The following KDM4A variants were observed in gnomAD, a reference collection of about 807,000 sequenced individuals.
KDM4A encodes lysine demethylase 4A.
KDM4A carries 23 observed loss-of-function variants against 127.1 expected under a neutral mutation model. The ratio of observed to expected loss-of-function variants is 0.18; its 90% CI spans 0.13 to 0.26. KDM4A has a LOEUF of 0.26. Ranked by LOEUF, KDM4A falls within the 10% of genes least tolerant of loss-of-function variation. The probability of loss-of-function intolerance (pLI) is 1.00; values close to 1 mark genes in which losing one functional copy is unlikely to be tolerated. For synonymous variants in KDM4A, 443 were observed against 466.5 expected (o/e 0.95, Z 0.65); for missense variants, 890 against 1,329.1 (o/e 0.67, Z 5.14).
rs559516003 is a variant in KDM4A at position 43,668,218 on chromosome 1, C to T, written c.1163+199C>T. 1.2e-4 allele frequency among the ~76,000 whole-genome samples: 18 copies of T among 152,200 alleles called. No homozygotes were observed. The South Asian group carries it at 1.2e-3, about 11-fold the overall frequency. Reference sequence around the variant, plus strand: ...TCGGCTCACTGCAAGCCCCGCCTCCCGGGTTCAGGCCATTCTTCTGCCTCA... The same window carrying T: ...TCGGCTCACTGCAAGCCCCGCCTCCTGGGTTCAGGCCATTCTTCTGCCTCA... On this transcript the variant is annotated intron_variant, in intron 9 of 21. Transcript: ENST00000372396.
Position 43,688,778 on chromosome 1 carries a change from A to T in KDM4A, c.1856-136A>T. The T allele has an allele frequency of 1.4e-6, 1 of 713,786 alleles. No individual in the cohort carries two copies. The highest frequency in any genetic ancestry group is 2.3e-6 in the Non-Finnish European group (1 of 435,650). The allele number at this position is 713,786 out of a possible 1,614,324, so 44.2% of individuals were successfully genotyped here. The stretch of plus-strand genomic sequence containing the variant: ...ACAGTTGCTTCCACCCTTTGCCTTT[A>T]TCATCCTTAGGAATTCAGGAGTCAC... On this transcript the variant is annotated intron_variant, in intron 12 of 21. Coordinates refer to ENST00000372396, the MANE Select transcript of KDM4A (RefSeq NM_014663.3). This position sits in a 1 kb window ranked among gnomAD's most constrained non-coding sequence, Gnocchi z 4.4.
Position 43,691,506 on chromosome 1 carries a change from G to A in KDM4A, c.2253G>A (p.Gly751=), listed in dbSNP as rs200157658. 5 of 1,613,634 alleles carry A rather than the reference G, an allele frequency of 3.1e-6. No homozygotes were observed. In the Admixed American group the frequency reaches 8.3e-5, roughly 27 times the overall value. Residue 751 remains glycine, a synonymous_variant, in exon 15 of 22, where the codon GGG becomes GGA. Transcript: ENST00000372396. The part of the protein sequence containing the change: ...CSVRVHASCY[G]VPPAKASEDW... Reference sequence around the variant, plus strand: ...TGGTGTCCCTGTTAGGTTGCTATGGGGTCCCCCCTGCAAAGGCTTCTGAAG... The same window carrying A: ...TGGTGTCCCTGTTAGGTTGCTATGGAGTCCCCCCTGCAAAGGCTTCTGAAG...
In KDM4A at chr1:43,682,974, C is replaced by T. The variant is rs115201516; in HGVS notation, c.1735-710C>T. 2.9e-3 allele frequency among the ~76,000 whole-genome samples: 437 copies of T among 152,342 alleles called. 2 individuals are homozygous for T. The highest frequency in any genetic ancestry group is 9.7e-3 in the African/African-American group (403 of 41,572). ...AGAAAGAAACCCTTCTGTAGTGTTT[C>T]TGAGTCAATCCTGTACATTTAAATC... On this transcript the variant is annotated intron_variant, in intron 11 of 21. Coordinates refer to ENST00000372396, the MANE Select transcript of KDM4A (RefSeq NM_014663.3).
At chr1:43,672,277 CT>C (rs1660637961) in intron 11 of KDM4A, among the ~76,000 whole-genome samples, 1 of 152,142 alleles carries the variant, frequency 6.6e-6, no homozygotes, top group Admixed American at 6.5e-5. Flanking sequence ...CAACCTCTGC[CT>C]TCCAGGTTCA....
intron 1 of KDM4A, chr1:43,650,685 G>C (rs1383305859): frequency 6.6e-6 from 1 of 152,288 alleles, no homozygotes; most frequent in African/African-American, 2.4e-5. Flanking sequence ...GTAAGTACCG[G>C]GCCTAGTGCT....
chr1:43,691,618 C>T (rs1455502997), intron 15 of KDM4A, 46 bp downstream of exon 15: 1 of 1,495,156 alleles, frequency 6.7e-7, no homozygotes, highest in Non-Finnish European at 9.3e-7. Context: ...AGTCTTGGTG[C>T]ATATTCAGGG....
chr1:43,703,033 C>T (rs550692664), intron 19 of KDM4A, among the ~76,000 whole-genome samples: 4 of 151,566 alleles, frequency 2.6e-5, no homozygotes, highest in Non-Finnish European at 5.9e-5. Context: ...AGCTCCGCCT[C>T]CTGGGTTCAC....
rs78432529 is a variant in KDM4A at position 43,653,415 on chromosome 1, T to C, written c.138+102T>C. 736 of 1,212,806 alleles carry C rather than the reference T, an allele frequency of 6.1e-4. 6 individuals carry two copies. In the African/African-American group the frequency reaches 0.01, roughly 17 times the overall value. 75.1% of individuals were successfully genotyped at this position (1,212,806 alleles called of 1,614,324 possible). A position where few individuals can be genotyped will look rare whatever the true frequency, so the allele number is the denominator to read the frequency against. On this transcript the variant is annotated intron_variant, in intron 2 of 21. Coordinates refer to ENST00000372396, the MANE Select transcript of KDM4A (RefSeq NM_014663.3). Reference sequence around the variant, plus strand: ...GAACTGTGTTTTACTGAAAGTTGGGTGGGGTGATGACTTTAGTGAATGCGG... The same window carrying C: ...GAACTGTGTTTTACTGAAAGTTGGGCGGGGTGATGACTTTAGTGAATGCGG...
intron 2 of KDM4A, among the ~76,000 whole-genome samples, chr1:43,654,774 A>G (rs548756257): frequency 2.0e-5 from 3 of 146,796 alleles, no homozygotes; most frequent in Non-Finnish European, 3.0e-5. Flanking sequence ...GTAAAACAAT[A>G]CTCTCTAATT....
chr1:43,679,171 C>T (rs1660803898), intron 11 of KDM4A, among the ~76,000 whole-genome samples: 1 of 152,150 alleles, frequency 6.6e-6, no homozygotes, highest in Non-Finnish European at 1.5e-5. Flanking sequence ...CTTTGAAGCC[C>T]TAGAGTACTA....
chr1:43,670,762 T>G (rs1320441427), intron 10 of KDM4A, among the ~76,000 whole-genome samples: 14 of 151,890 alleles, frequency 9.2e-5, no homozygotes, highest in Admixed American at 9.2e-4. Flanking sequence ...GGGGTTTCAC[T>G]CTGTTAGCCA....
At chr1:43,680,665 A>T (rs920575223) in intron 11 of KDM4A, among the ~76,000 whole-genome samples, 1 of 152,152 alleles carries the variant, frequency 6.6e-6, no homozygotes, top group African/African-American at 2.4e-5. Context: ...GGCTGCCCAC[A>T]TTCCTTGGCT....
At chr1:43,686,394 T>A (rs1230413535) in intron 12 of KDM4A, among the ~76,000 whole-genome samples, 1 of 149,842 alleles carries the variant, frequency 6.7e-6, no homozygotes, top group Non-Finnish European at 1.5e-5. Flanking sequence ...TGGAGTGCAG[T>A]GGCATGATCT....
chr1:43,665,414 G>A (rs1042986161), intron 5 of KDM4A, among the ~76,000 whole-genome samples: 1 of 151,918 alleles, frequency 6.6e-6, no homozygotes, highest in Non-Finnish European at 1.5e-5. Context: ...CATTATAAAG[G>A]AGAGTAATAT....
rs543592239 is a variant in KDM4A at position 43,666,253 on chromosome 1, G to A, written c.674-199G>A. ...TCCCAAACAGGATTTCATTACCCAC[G>A]TAATGCCCTACATGGGAGTGAGCCT... On this transcript the variant is annotated intron_variant, in intron 6 of 21. Coordinates refer to ENST00000372396, the MANE Select transcript of KDM4A (RefSeq NM_014663.3). 26 of 539,984 alleles carry A rather than the reference G, an allele frequency of 4.8e-5. No individual in the cohort carries two copies. In the East Asian group the frequency reaches 7.1e-4, roughly 15 times the overall value. 33.4% of individuals were successfully genotyped at this position (539,984 alleles called of 1,614,324 possible).
Position 43,688,959 on chromosome 1 carries a change from A to C in KDM4A, c.1901A>C (p.Glu634Ala). ...LTPEEEAEET[E>A]AWAKPLSQLW... ...CCTGAGGAAGAGGCTGAGGAGACAG[A>C]GGCCTGGGCCAAGCCTCTGAGCCAA... Residue 634 changes from glutamate (E) to alanine (A), a missense_variant, in exon 13 of 22, where the codon GAG (glutamate) becomes GCG (alanine). Glu to Ala is a moderately radical substitution (Grantham distance 107, BLOSUM62 -1). Around this residue, in one of 7 missense-constraint regions of KDM4A, gnomAD observed 389 missense variants for 485.9 expected, o/e 0.80. Coordinates refer to ENST00000372396, the MANE Select transcript of KDM4A (RefSeq NM_014663.3). The surrounding 1 kb of genome is among the most constrained non-coding windows in gnomAD (Gnocchi z 4.4). The C allele has an allele frequency of 6.2e-7, 1 of 1,614,226 alleles. No homozygotes were observed. The highest frequency in any genetic ancestry group is 8.5e-7 in the Non-Finnish European group (1 of 1,180,030).
rs898356313 is a variant in KDM4A at position 43,690,743 on chromosome 1, G to A, written c.2038-102G>A. 62 of 1,081,856 alleles carry A rather than the reference G, an allele frequency of 5.7e-5. No individual in the cohort carries two copies. In the Admixed American group the frequency reaches 1.0e-3, roughly 18 times the overall value. 67.0% of individuals were successfully genotyped at this position (1,081,856 alleles called of 1,614,324 possible). A position where few individuals can be genotyped will look rare whatever the true frequency, so the allele number is the denominator to read the frequency against. ...TGTGCACCCGGGAGCTGTAGCCATA[G>A]TCAGATCGGTAAGAGAGCCAGCTTT... On this transcript the variant is annotated intron_variant, in intron 13 of 21. Transcript: ENST00000372396.
At chr1:43,654,148 C>T (rs1043354311) in intron 2 of KDM4A, among the ~76,000 whole-genome samples, 14 of 152,274 alleles carry the variant, frequency 9.2e-5, no homozygotes, top group East Asian at 7.7e-4. Flanking sequence ...TAACAGCAGG[C>T]GGGAATAGCA....
chr1:43,690,459 G>A (rs991334096), intron 13 of KDM4A: 42 of 307,272 alleles, frequency 1.4e-4, no homozygotes, highest in Middle Eastern at 1.2e-3. Context: ...TGTTGGCTAG[G>A]CTGGTCTTGG....
Sources: allele counts gnomAD v4.1 joint callset (sites outside exome capture counted in the v4.1 genomes callset), GRCh38; gene constraint gnomAD v4.1.1; regional missense constraint gnomAD v4.1.1; non-coding constraint Gnocchi (gnomAD v3.1); transcripts MANE v1.5; gene names NCBI Gene and HGNC (gene_info 2026-07-23, HGNC 2026-07-21).